The following TRPM3 variants were observed in gnomAD, a reference collection of about 807,000 sequenced individuals.
TRPM3 encodes long transient receptor potential channel 3.
Under a neutral mutation model 181.2 loss-of-function variants are expected in TRPM3, and 77 were observed. That is an observed-to-expected ratio of 0.42 (90% CI 0.35 to 0.51). The LOEUF (loss-of-function observed/expected upper bound fraction) is 0.51, where lower values mean the gene tolerates loss of function less well. Ranked by LOEUF, TRPM3 falls within the 20% of genes least tolerant of loss-of-function variation. The pLI is 0.01. For synonymous variants in TRPM3, 745 were observed against 796.4 expected (o/e 0.94, Z 1.09); for missense variants, 1,759 against 2,196.7 (o/e 0.80, Z 3.98).
chr9:70,629,628 C>G (rs1025944682), intron 12 of TRPM3, among the ~76,000 whole-genome samples: 2 of 152,110 alleles, frequency 1.3e-5, no homozygotes, highest in African/African-American at 4.8e-5. Flanking sequence ...TGAGCCACCG[C>G]TATAAAACAT....
chr9:71,138,608 G>A (rs1416515461), intron 1 of TRPM3, among the ~76,000 whole-genome samples: 1 of 151,682 alleles, frequency 6.6e-6, no homozygotes, highest in African/African-American at 2.4e-5. Flanking sequence ...CTCTTTAAAT[G>A]GGTGAACTTT....
At chr9:70,891,408 A>G (rs1383357564) in intron 1 of TRPM3, among the ~76,000 whole-genome samples, 5 of 152,230 alleles carry the variant, frequency 3.3e-5, no homozygotes, top group Admixed American at 6.5e-5. Flanking sequence ...GCAGAATTAT[A>G]AGCATGCTGC....
intron 1 of TRPM3, among the ~76,000 whole-genome samples, chr9:71,258,988 G>A (rs891752018): frequency 2.0e-5 from 3 of 152,096 alleles, no homozygotes; most frequent in African/African-American, 7.2e-5. Flanking sequence ...GTGGTTTGAT[G>A]CACCCATCAA....
intron 25 of TRPM3, among the ~76,000 whole-genome samples, chr9:70,548,773 A>T (rs1241038634): frequency 1.3e-5 from 2 of 152,220 alleles, no homozygotes; most frequent in Non-Finnish European, 2.9e-5. Context: ...TAAGAAAAAT[A>T]AGAAAATGTC....
rs745721585 is a variant in TRPM3 at position 70,536,027 on chromosome 9, G to A, written c.5086C>T (p.Arg1696Ter). The A allele has an allele frequency of 1.7e-5, 27 of 1,614,130 alleles. No homozygotes were observed. Among genetic ancestry groups the A allele is most frequent in the South Asian group, 8.8e-5 (8 of 91,074 alleles). ...CTCCTCATGGACAGGCTGTCCCCTC[G>A]GCCCTCCGGCTTGGAGGACTTGCTT... ...QRSKSSKPEG[R>*]GDSLSMRRLS... The change falls in exon 26 of 26, where the codon CGA (arginine) becomes TGA (stop). Residue 1696 changes from arginine (R) to a stop codon, truncating the protein, a stop_gained. Transcript: ENST00000677713. LOFTEE classifies it high-confidence loss of function.
intron 1 of TRPM3, among the ~76,000 whole-genome samples, chr9:71,047,534 G>A (rs2133092640): frequency 6.6e-6 from 1 of 152,254 alleles, no homozygotes; most frequent in South Asian, 2.1e-4. Context: ...AGGTTGATTT[G>A]ACACAGGGTT....
chr9:70,822,777 G>GTA (rs1022247805), intron 6 of TRPM3, among the ~76,000 whole-genome samples: 11 of 151,854 alleles, frequency 7.2e-5, no homozygotes, highest in African/African-American at 2.7e-4. Flanking sequence ...GTGTGTGTGT[G>GTA]TGTGTGTGTG....
intron 1 of TRPM3, among the ~76,000 whole-genome samples, chr9:71,297,110 G>A (rs983990237): frequency 6.7e-6 from 1 of 149,882 alleles, no homozygotes; most frequent in Non-Finnish European, 1.5e-5. Context: ...TCCTGCCTCA[G>A]CCTCCCGAGT....
intron 7 of TRPM3, chr9:70,776,324 G>T: frequency 1.6e-6 from 1 of 617,194 alleles, no homozygotes. Context: ...GGAAGCTGGG[G>T]TAGGACACTG....
chr9:71,229,042 G>A (rs537754582), intron 1 of TRPM3, among the ~76,000 whole-genome samples: 1 of 152,132 alleles, frequency 6.6e-6, no homozygotes, highest in Non-Finnish European at 1.5e-5. Flanking sequence ...AAAACTGAAG[G>A]AATCACGTTA....
At chr9:71,282,117 AAAGAAAGAAC>A (rs2084783367) in intron 1 of TRPM3, among the ~76,000 whole-genome samples, 2 of 145,242 alleles carry the variant, frequency 1.4e-5, no homozygotes, top group Admixed American at 6.9e-5. Context: ...AAAGAAAGAA[AAAGAAAGAAC>A]GAAAGAAAGA....
chr9:70,552,780 A>AT (rs2046790080), intron 24 of TRPM3, 64 bp downstream of exon 24: 9 of 1,563,576 alleles, frequency 5.8e-6, no homozygotes, highest in Non-Finnish European at 7.0e-6. Context: ...ATTCTGCGTG[A>AT]TTGCCTATAG....
intron 1 of TRPM3, among the ~76,000 whole-genome samples, chr9:71,318,387 T>C (rs554243106): frequency 2.3e-4 from 35 of 152,282 alleles, no homozygotes; most frequent in African/African-American, 7.2e-4. Context: ...CAACTCTACA[T>C]TGGGGATGAA....
At chr9:71,389,047 T>C in intron 1 of TRPM3, among the ~76,000 whole-genome samples, 1 of 151,706 alleles carries the variant, frequency 6.6e-6, no homozygotes, top group East Asian at 1.9e-4. Context: ...AAACAACCCA[T>C]CCGGAAAACT....
At chr9:70,741,014 A>C (rs1206310042) in intron 8 of TRPM3, among the ~76,000 whole-genome samples, 2 of 152,236 alleles carry the variant, frequency 1.3e-5, no homozygotes, top group Admixed American at 6.5e-5. Context: ...TCAGCAGAGT[A>C]AACAGACAAC....
intron 1 of TRPM3, among the ~76,000 whole-genome samples, chr9:71,342,539 A>C (rs1271674113): frequency 1.3e-5 from 2 of 152,022 alleles, no homozygotes; most frequent in African/African-American, 4.8e-5. Context: ...TTATTAAGTG[A>C]AAAATGTGAA....
intron 25 of TRPM3, 28 bp from the exon 26 acceptor site, chr9:70,537,433 A>C (rs776751214): frequency 7.1e-7 from 1 of 1,417,870 alleles, no homozygotes; most frequent in Admixed American, 2.6e-5. Context: ...AATGAGAGTC[A>C]CTCGGCCTGG....
At chr9:70,589,687 CT>C (rs2057772686) in intron 22 of TRPM3, among the ~76,000 whole-genome samples, 1 of 152,188 alleles carries the variant, frequency 6.6e-6, no homozygotes, top group Non-Finnish European at 1.5e-5. Flanking sequence ...AGTTAAAATT[CT>C]TCCTCAGTGA....
chr9:71,219,575 GCA>G (rs1342268780), intron 1 of TRPM3, among the ~76,000 whole-genome samples: 3 of 152,178 alleles, frequency 2.0e-5, no homozygotes, highest in Admixed American at 6.5e-5. Flanking sequence ...ACTAAAAATT[GCA>G]CACTCTCCTA....
Sources: gnomAD v4.1 joint callset for allele counts (sites outside exome capture counted in the v4.1 genomes callset) on GRCh38, gnomAD v4.1.1 for gene constraint, MANE v1.5 for transcripts, NCBI Gene and HGNC (gene_info 2026-07-23, HGNC 2026-07-21) for gene names.